Variants in CHIA observed in about 807,000 individuals in gnomAD.
CHIA encodes acidic mammalian chitinase.
CHIA carries 47 observed loss-of-function variants against 53.5 expected under a neutral mutation model. That is an observed-to-expected ratio of 0.88 (90% CI 0.70 to 1.12). CHIA has a LOEUF of 1.12. Among genes scored for constraint, CHIA ranks in the 50% most tolerant of loss-of-function variants. CHIA has a pLI of 0.00. For synonymous variants in CHIA, 268 were observed against 222.2 expected, an observed-to-expected ratio of 1.21 and a Z score of -1.83; for missense variants, 652 against 592.2, an observed-to-expected ratio of 1.10 and a Z score of -1.05.
In CHIA at chr1:111,296,574, A is replaced by G. The variant is rs377328213; in HGVS notation, c.-69+5624A>G. On this transcript the variant is annotated intron_variant, in intron 1 of 11. Coordinates refer to ENST00000369740, the MANE Select transcript of CHIA (RefSeq NM_201653.4). ...ACCAAAACCCCATCTGTAGGTCACCAACATCAAAGACCAAAGGTAGATAAA... is the reference window on the plus strand; with the variant it reads ...ACCAAAACCCCATCTGTAGGTCACCGACATCAAAGACCAAAGGTAGATAAA... 2.0e-5 allele frequency among the ~76,000 whole-genome samples: 3 copies of G among 152,348 alleles called. No individual in the cohort carries two copies. The East Asian group carries it at 5.8e-4, about 29-fold the overall frequency.
chr1:111,319,886 T>C (rs1649517397), intron 11 of CHIA, among the ~76,000 whole-genome samples: 1 of 152,240 alleles, frequency 6.6e-6, no homozygotes, highest in South Asian at 2.1e-4. Context: ...TTCCAGATTT[T>C]TCCTAGAATT....
At chr1:111,315,820 G>A (rs1278881238) in intron 6 of CHIA, 2 of 454,642 alleles carry the variant, frequency 4.4e-6, no homozygotes, top group Admixed American at 2.4e-5. Flanking sequence ...CTGCAGTTTG[G>A]CCACAGAGTC....
chr1:111,298,379 A>G (rs1351268752), intron 1 of CHIA, among the ~76,000 whole-genome samples: 1 of 152,232 alleles, frequency 6.6e-6, no homozygotes, highest in African/African-American at 2.4e-5. Flanking sequence ...AAGAACAGAA[A>G]TCACAACAAA....
At chr1:111,300,774 T>G (rs1647657844) in intron 1 of CHIA, among the ~76,000 whole-genome samples, 1 of 152,132 alleles carries the variant, frequency 6.6e-6, no homozygotes, top group South Asian at 2.1e-4. Context: ...CAAAAGAAAC[T>G]ACTATCAGAG....
chr1:111,313,056 A>G (rs1648819100), intron 4 of CHIA, among the ~76,000 whole-genome samples: 1 of 152,146 alleles, frequency 6.6e-6, no homozygotes, highest in Non-Finnish European at 1.5e-5. Context: ...TCATCCATTG[A>G]GGGGCACTTA....
Position 111,314,557 on chromosome 1 carries a change from C to T in CHIA, c.275C>T (p.Thr92Ile). The change falls in exon 5 of 12, where the codon ACT (threonine) becomes ATT (isoleucine). Residue 92 changes from threonine (T) to isoleucine (I), a missense_variant. Physicochemically the swap from Thr to Ile is moderately conservative, Grantham distance 89 (BLOSUM62 -1). Coordinates refer to ENST00000369740, the MANE Select transcript of CHIA (RefSeq NM_201653.4). ...TTTTACAGGAACAGCCAGCTGAAAACTCTCCTGGCCATTGGAGGCTGGAAC... is the reference window on the plus strand; with the variant it reads ...TTTTACAGGAACAGCCAGCTGAAAATTCTCCTGGCCATTGGAGGCTGGAAC... ...GLKNKNSQLK[T>I]LLAIGGWNFG... 6 of 1,612,584 alleles carry T rather than the reference C, an allele frequency of 3.7e-6. No individual in the cohort carries two copies. Among genetic ancestry groups the T allele is most frequent in the African/African-American group, 2.7e-5 (2 of 75,004 alleles).
intron 1 of CHIA, among the ~76,000 whole-genome samples, chr1:111,292,598 A>G (rs759783192): frequency 1.3e-5 from 2 of 152,190 alleles, no homozygotes; most frequent in African/African-American, 2.4e-5. Flanking sequence ...GACCAAAACA[A>G]ATTACCAACT....
intron 1 of CHIA, among the ~76,000 whole-genome samples, chr1:111,296,603 A>C (rs1472312534): frequency 6.6e-6 from 1 of 152,250 alleles, no homozygotes; most frequent in Non-Finnish European, 1.5e-5. Flanking sequence ...AGATAAAACC[A>C]CAAAGATGGG....
chr1:111,317,910 A>G, intron 7 of CHIA, 76 bp from the exon 8 acceptor site: 1 of 1,611,140 alleles, frequency 6.2e-7, no homozygotes, highest in South Asian at 1.1e-5. Flanking sequence ...AGGAGACTTT[A>G]GAAGTGGTGT....
chr1:111,301,383 T>C (rs1647715056), intron 1 of CHIA, among the ~76,000 whole-genome samples: 1 of 151,936 alleles, frequency 6.6e-6, no homozygotes, highest in Admixed American at 6.6e-5. Flanking sequence ...ATATACACCA[T>C]GAAATGCTAT....
chr1:111,313,637 G>A (rs1019285931), intron 4 of CHIA, among the ~76,000 whole-genome samples: 1 of 152,086 alleles, frequency 6.6e-6, no homozygotes, highest in African/African-American at 2.4e-5. Context: ...TCATGCAAAA[G>A]CTTTTTAGCC....
At chr1:111,297,137 T>C (rs951233583) in intron 1 of CHIA, among the ~76,000 whole-genome samples, 6 of 152,240 alleles carry the variant, frequency 3.9e-5, no homozygotes, top group East Asian at 1.9e-4. Context: ...TGGAACCATG[T>C]TGGAAAACAC....
intron 1 of CHIA, among the ~76,000 whole-genome samples, chr1:111,294,037 A>G (rs572886551): frequency 2.8e-4 from 42 of 152,326 alleles, no homozygotes; most frequent in Admixed American, 4.6e-4. Context: ...AGCTATGATC[A>G]TGCCACTGCA....
At chr1:111,297,871 T>C (rs1647307185) in intron 1 of CHIA, among the ~76,000 whole-genome samples, 1 of 90,086 alleles carries the variant, frequency 1.1e-5, no homozygotes, top group Non-Finnish European at 2.1e-5. Flanking sequence ...AATAAAGAGA[T>C]GGAGGAAGAT....
chr1:111,297,089 C>T (rs1647229423), intron 1 of CHIA, among the ~76,000 whole-genome samples: 1 of 152,172 alleles, frequency 6.6e-6, no homozygotes, highest in South Asian at 2.1e-4. Flanking sequence ...AAGACCAAAT[C>T]TACATTTGAT....
chr1:111,319,949 G>A (rs1184440256), intron 11 of CHIA, among the ~76,000 whole-genome samples: 1 of 152,164 alleles, frequency 6.6e-6, no homozygotes, highest in Non-Finnish European at 1.5e-5. Flanking sequence ...GCATACATTT[G>A]GTGGTTAGTA....
chr1:111,304,702 T>G (rs765824157), intron 1 of CHIA, among the ~76,000 whole-genome samples: 1 of 152,202 alleles, frequency 6.6e-6, no homozygotes, highest in Non-Finnish European at 1.5e-5. Context: ...TGTTCTAAAG[T>G]CTTTGCCTAG....
Position 111,318,617 on chromosome 1 carries a change from C to T in CHIA, c.854C>T (p.Thr285Ile), listed in dbSNP as rs759214099. 1.1e-5 allele frequency: 18 copies of T among 1,614,112 alleles called. No individual in the cohort carries two copies. In the African/African-American group the frequency reaches 2.0e-4, roughly 18 times the overall value. Residue 285 changes from threonine (T) to isoleucine (I), a missense_variant, in exon 9 of 12, where the codon ACC (threonine) becomes ATC (isoleucine). Transcript: ENST00000369740. ...NPSNTGIGAP[T>I]SGAGPAGPYA... ...TCCAACACTGGAATTGGTGCCCCCACCTCTGGTGCTGGTCCTGCTGGGCCC... is the reference window on the plus strand; with the variant it reads ...TCCAACACTGGAATTGGTGCCCCCATCTCTGGTGCTGGTCCTGCTGGGCCC...
At chr1:111,300,363 G>T (rs12734016) in intron 1 of CHIA, among the ~76,000 whole-genome samples, 1 of 152,006 alleles carries the variant, frequency 6.6e-6, no homozygotes, top group Non-Finnish European at 1.5e-5. Context: ...AAAACAGCAT[G>T]GTACTGTTAC....
Sources: allele counts gnomAD v4.1 joint callset (sites outside exome capture counted in the v4.1 genomes callset), GRCh38; gene constraint gnomAD v4.1.1; transcripts MANE v1.5; gene names NCBI Gene and HGNC (gene_info 2026-07-23, HGNC 2026-07-21).